PDGFRL: variants seen among roughly 807,000 people sequenced by gnomAD.
The protein encoded by PDGFRL is platelet derived growth factor receptor like.
A neutral mutation model predicts 37.2 loss-of-function variants in PDGFRL; 46 were observed. The ratio of observed to expected loss-of-function variants is 1.24; its 90% confidence interval spans 0.98 to 1.58. PDGFRL has a LOEUF of 1.58. Ranked by LOEUF, PDGFRL falls within the 40% of genes most tolerant of loss-of-function variation. The pLI, the probability that PDGFRL is intolerant of heterozygous loss-of-function variation, is 0.00. For synonymous variants in PDGFRL, 251 were observed against 184.3 expected, an observed-to-expected ratio of 1.36 and a Z score of -2.93; for missense variants, 692 against 467.6, an observed-to-expected ratio of 1.48 and a Z score of -4.43.
chr8:17,636,473 G>A (rs1804971369), intron 5 of PDGFRL, among the ~76,000 whole-genome samples: 1 of 151,732 alleles, frequency 6.6e-6, no homozygotes, highest in Non-Finnish European at 1.5e-5. Context: ...TGGTCTATGT[G>A]CTATTTTTAT....
chr8:17,611,114 G>T (rs980741474), intron 2 of PDGFRL, among the ~76,000 whole-genome samples: 7 of 152,160 alleles, frequency 4.6e-5, no homozygotes, highest in African/African-American at 1.7e-4. Flanking sequence ...TTTCTCAGGA[G>T]TCCCCAGGGA....
chr8:17,598,460 C>A (rs1177635337), intron 2 of PDGFRL, among the ~76,000 whole-genome samples: 3 of 152,150 alleles, frequency 2.0e-5, no homozygotes, highest in African/African-American at 7.2e-5. Flanking sequence ...CATACCAGAG[C>A]TCAGGAAGTA....
chr8:17,577,222 C>G lies in PDGFRL; in HGVS notation c.-31C>G, dbSNP rs776916367. On this transcript the variant is annotated 5_prime_UTR_variant, in exon 1 of 6. Transcript: ENST00000251630. ...GTCCCCGCCCCGCGCAGCCGCCGCG[C>G]TCCTGCGCTCCGAGGTCCGAGGTTC... 6 of 1,607,256 alleles carry G rather than the reference C, an allele frequency of 3.7e-6. No individual in the cohort carries two copies. The highest frequency in any genetic ancestry group is 1.1e-5 in the South Asian group (1 of 89,602).
intron 2 of PDGFRL, among the ~76,000 whole-genome samples, chr8:17,597,241 C>T (rs79178475): frequency 0.14 from 21,965 of 152,080 alleles, 4,239 homozygotes; most frequent in African/African-American, 0.43. Flanking sequence ...GGCTGGTCTA[C>T]ACCTCTTGGC....
intron 2 of PDGFRL, among the ~76,000 whole-genome samples, chr8:17,600,239 A>G (rs1461690694): frequency 6.6e-6 from 1 of 152,020 alleles, no homozygotes; most frequent in African/African-American, 2.4e-5. Context: ...ATGCCTTGAG[A>G]TTTCCTGCAC....
chr8:17,592,368 A>G (rs1164843827), intron 2 of PDGFRL, among the ~76,000 whole-genome samples: 4 of 152,126 alleles, frequency 2.6e-5, no homozygotes, highest in Non-Finnish European at 5.9e-5. Context: ...CATCTCTGAT[A>G]CTGCGGTGAC....
intron 1 of PDGFRL, among the ~76,000 whole-genome samples, chr8:17,586,208 C>A (rs1369924968): frequency 1.3e-5 from 2 of 152,178 alleles, no homozygotes; most frequent in African/African-American, 2.4e-5. Context: ...CCTTCCTTGG[C>A]CTCTCAGAGT....
intron 2 of PDGFRL, among the ~76,000 whole-genome samples, chr8:17,591,497 G>A (rs546487553): frequency 4.6e-5 from 7 of 152,298 alleles, no homozygotes; most frequent in African/African-American, 1.7e-4. Context: ...AGAATGAAGG[G>A]TAGGGGATGA....
At chr8:17,597,669 A>C (rs774134468) in intron 2 of PDGFRL, among the ~76,000 whole-genome samples, 1 of 152,206 alleles carries the variant, frequency 6.6e-6, no homozygotes, top group Non-Finnish European at 1.5e-5. Context: ...AATATGAAGA[A>C]AACATTCATG....
rs753397560 is a variant in PDGFRL, at chr8:17,628,725, G to A, written c.744G>A (p.Ala248=). 19 of 1,613,936 alleles carry A rather than the reference G, an allele frequency of 1.2e-5. No individual in the cohort carries two copies. Among genetic ancestry groups the A allele is most frequent in the South Asian group, 9.9e-5 (9 of 91,080 alleles). Residue 248 remains alanine (A), a synonymous_variant, in exon 4 of 6, where the codon GCG becomes GCA. Transcript: ENST00000251630. The part of the protein sequence containing the change: ...SEHQGVVYCR[A]EAGGRSQISV... The stretch of plus-strand genomic sequence containing the variant: ...ACCAGGGTGTGGTTTACTGCAGGGC[G>A]GAGGCCGGGGGCAGATCTCAGATCT...
At chr8:17,589,167 C>T (rs924335928) in intron 1 of PDGFRL, among the ~76,000 whole-genome samples, 4 of 152,066 alleles carry the variant, frequency 2.6e-5, no homozygotes, top group Non-Finnish European at 4.4e-5. Context: ...CACCTGAGGT[C>T]AGGACTTCGA....
intron 3 of PDGFRL, among the ~76,000 whole-genome samples, chr8:17,622,200 A>G (rs915309755): frequency 6.6e-6 from 1 of 152,228 alleles, no homozygotes; most frequent in Non-Finnish European, 1.5e-5. Flanking sequence ...TTTCTTCTGT[A>G]ATGTTCTCTA....
In PDGFRL at chr8:17,638,355, A is replaced by C. The variant is rs542369284; in HGVS notation, c.939+4142A>C. On this transcript the variant is annotated intron_variant, in intron 5 of 5. Transcript: ENST00000251630. ...AATTTCCATGTGTTTGTATGTTTTG[A>C]GGGTTGCTTTTGGAATTGAGTTCCA... Among the ~76,000 whole-genome samples, 3 of 152,126 alleles carry C rather than the reference A, an allele frequency of 2.0e-5. No homozygotes were observed. In the East Asian group the frequency reaches 5.8e-4, roughly 29 times the overall value.
intron 3 of PDGFRL, among the ~76,000 whole-genome samples, chr8:17,622,729 G>T (rs1245141293): frequency 1.3e-5 from 2 of 152,128 alleles, no homozygotes; most frequent in Non-Finnish European, 2.9e-5. Flanking sequence ...CAAAAAGAGG[G>T]GTCCTGAAAG....
At chr8:17,620,007 G>C (rs1804599991) in intron 2 of PDGFRL, among the ~76,000 whole-genome samples, 1 of 152,168 alleles carries the variant, frequency 6.6e-6, no homozygotes, top group Admixed American at 6.5e-5. Context: ...CTGTCACCCA[G>C]GCTGGAGTGC....
Position 17,577,275 on chromosome 8 carries a change from G to C in PDGFRL, c.23G>C (p.Gly8Ala). The C allele has an allele frequency of 6.2e-7, 1 of 1,613,024 alleles. No individual in the cohort carries two copies. The highest frequency in any genetic ancestry group is 8.5e-7 in the Non-Finnish European group (1 of 1,179,716). MKVWLLL[G>A]LLLVHEALED... ...GAGATGAAGGTCTGGCTGCTGCTTG[G>C]TCTTCTGCTGGTGCACGAAGCGCTG... The change falls in exon 1 of 6, where the codon GGT becomes GCT. Residue 8 changes from glycine (G) to alanine (A), a missense_variant. By Grantham distance (60) the Gly-to-Ala change is moderately conservative. Coordinates refer to ENST00000251630, the MANE Select transcript of PDGFRL (RefSeq NM_001372073.1).
chr8:17,621,277 A>C, intron 3 of PDGFRL, 75 bp downstream of exon 3: 1 of 934,182 alleles, frequency 1.1e-6, no homozygotes, highest in Non-Finnish European at 1.6e-6. Flanking sequence ...CCCCCACTGC[A>C]TGCTGAATAG....
chr8:17,586,353 C>T (rs1803816468), intron 1 of PDGFRL, among the ~76,000 whole-genome samples: 1 of 152,138 alleles, frequency 6.6e-6, no homozygotes, highest in Admixed American at 6.5e-5. Context: ...CTGTCATCCC[C>T]AGCATCAGGT....
intron 2 of PDGFRL, chr8:17,596,362 AG>A: frequency 8.1e-7 from 1 of 1,230,844 alleles, no homozygotes; most frequent in Non-Finnish European, 1.0e-6. Context: ...ACGCGCCCGC[AG>A]GACCGGCCCT....
Sources: allele counts gnomAD v4.1 joint callset (sites outside exome capture counted in the v4.1 genomes callset), GRCh38; gene constraint gnomAD v4.1.1; transcripts MANE v1.5; gene names NCBI Gene and HGNC (gene_info 2026-07-23, HGNC 2026-07-21).